Variants in RBFOX1 observed in about 807,000 individuals in gnomAD.
RBFOX1 encodes RNA binding fox-1 homolog 1.
RBFOX1 carries 8 observed loss-of-function variants against 57.7 expected under a neutral mutation model. That is an observed-to-expected ratio of 0.14 (90% CI 0.08 to 0.25). The LOEUF (loss-of-function observed/expected upper bound fraction) is 0.25. Among genes scored for constraint, RBFOX1 ranks in the 10% least tolerant of loss-of-function variants. The probability of loss-of-function intolerance (pLI) is 1.00; values close to 1 mark genes in which losing one functional copy is unlikely to be tolerated. For missense variants in RBFOX1, 611 were observed against 548.5 expected, an observed-to-expected ratio of 1.11 and a Z score of -1.14; for synonymous variants, 326 against 222.4, an observed-to-expected ratio of 1.47 and a Z score of -4.15.
At chr16:6,584,553 G>C (rs1460639324) in intron 2 of RBFOX1, among the ~76,000 whole-genome samples, 5 of 151,836 alleles carry the variant, frequency 3.3e-5, no homozygotes, top group Non-Finnish European at 7.4e-5. Flanking sequence ...AATATTAGCA[G>C]AGATAGGGTT....
chr16:6,003,781 C>G (rs1251101738), intron 4 of RBFOX1, among the ~76,000 whole-genome samples: 1 of 152,188 alleles, frequency 6.6e-6, no homozygotes, highest in Non-Finnish European at 1.5e-5. Context: ...TCAAATGCCT[C>G]AGGAACCACA....
At chr16:6,351,889 T>C (rs1030536595) in intron 2 of RBFOX1, among the ~76,000 whole-genome samples, 1 of 152,200 alleles carries the variant, frequency 6.6e-6, no homozygotes, top group East Asian at 1.9e-4. Context: ...CTACAAGATA[T>C]GCATTATTTT....
chr16:6,654,790 C>T (rs186480205), intron 3 of RBFOX1, 140 bp downstream of exon 3: 8 of 573,898 alleles, frequency 1.4e-5, no homozygotes, highest in Non-Finnish European at 2.3e-5. Context: ...GACAATCAGA[C>T]TTAAAAATGC....
rs181782755 is a variant in RBFOX1 at position 5,405,436 on chromosome 16, T to C, written c.220-61780T>C. On this transcript the variant is annotated intron_variant, in intron 1 of 2. Coordinates refer to the RBFOX1 transcript ENST00000585867. ...CTCTTTTGCCTATTGCCATGTAAGA[T>C]GTGCCTTTTGCCTTCTGCCATGATT... 2.2e-3 allele frequency among the ~76,000 whole-genome samples: 329 copies of C among 152,338 alleles called. 2 individuals are homozygous for C. The highest frequency in any genetic ancestry group is 5.0e-3 in the Admixed American group (76 of 15,300).
chr16:6,798,527 C>A (rs975870400), intron 3 of RBFOX1, among the ~76,000 whole-genome samples: 1 of 152,042 alleles, frequency 6.6e-6, no homozygotes, highest in African/African-American at 2.4e-5. Flanking sequence ...AAATAGGAAG[C>A]CCAGATAACA....
intron 3 of RBFOX1, among the ~76,000 whole-genome samples, chr16:6,656,226 T>C (rs981679034): frequency 1.3e-5 from 2 of 152,174 alleles, no homozygotes; most frequent in Non-Finnish European, 2.9e-5. Context: ...AGAAAGCATG[T>C]TCCCCAACCT....
At chr16:5,611,120 T>G (rs1596448482) in intron 3 of RBFOX1, 2 of 152,346 alleles carry the variant, frequency 1.3e-5, no homozygotes, top group African/African-American at 4.8e-5. Flanking sequence ...GACCCACATG[T>G]GCTCTGTTGG....
At chr16:6,214,180 C>G (rs2097316170) in intron 1 of RBFOX1, among the ~76,000 whole-genome samples, 1 of 152,242 alleles carries the variant, frequency 6.6e-6, no homozygotes, top group Non-Finnish European at 1.5e-5. Flanking sequence ...CTCCTTCTCT[C>G]CCACTGTCTC....
chr16:7,705,893 C>T (rs537771513), intron 14 of RBFOX1, among the ~76,000 whole-genome samples: 18 of 152,262 alleles, frequency 1.2e-4, no homozygotes, highest in Admixed American at 7.8e-4. Flanking sequence ...GAAGTGGGCA[C>T]ATGGAGATCA....
intron 3 of RBFOX1, among the ~76,000 whole-genome samples, chr16:5,842,774 G>C (rs1355919577): frequency 6.6e-6 from 1 of 151,936 alleles, no homozygotes; most frequent in Non-Finnish European, 1.5e-5. Context: ...CAGCTACTGT[G>C]TACCAATCGC....
intron 2 of RBFOX1, among the ~76,000 whole-genome samples, chr16:6,578,598 C>CGTGTGTGTGTGTGTGTGT (rs57470848): frequency 0.073 from 8,032 of 110,666 alleles, 603 homozygotes; most frequent in African/African-American, 0.19. Context: ...GGTGTGTGTG[C>CGTGTGTGTGTGTGTGTGT]GTGTGTGTGT....
At chr16:7,146,685 A>C (rs572142363) in intron 4 of RBFOX1, among the ~76,000 whole-genome samples, 1 of 152,180 alleles carries the variant, frequency 6.6e-6, no homozygotes, top group Non-Finnish European at 1.5e-5. Context: ...GCAGTGGCTC[A>C]TGCCTGCAAT....
chr16:6,446,584 A>G (rs4786870), intron 2 of RBFOX1, among the ~76,000 whole-genome samples: 84,512 of 151,902 alleles, frequency 0.56, 23,788 homozygotes, highest in East Asian at 0.68. Context: ...AGTGCTGGCT[A>G]GGAATTATGG....
intron 3 of RBFOX1, among the ~76,000 whole-genome samples, chr16:5,749,141 G>A (rs971286554): frequency 8.5e-5 from 13 of 152,080 alleles, no homozygotes; most frequent in African/African-American, 3.1e-4. Context: ...GCTTAGTTTT[G>A]CTGGATATGA....
intron 1 of RBFOX1, among the ~76,000 whole-genome samples, chr16:6,196,728 A>G (rs1469506061): frequency 6.6e-6 from 1 of 151,336 alleles, no homozygotes; most frequent in African/African-American, 2.4e-5. Flanking sequence ...CAGGCAATTT[A>G]TCCTTAATAC....
At chr16:7,416,613 T>C (rs1399717059) in intron 4 of RBFOX1, among the ~76,000 whole-genome samples, 3 of 152,156 alleles carry the variant, frequency 2.0e-5, no homozygotes, top group Non-Finnish European at 4.4e-5. Flanking sequence ...ATAGTGCATA[T>C]AGAAAAGCAC....
At chr16:7,281,642 C>G (rs1342328441) in intron 4 of RBFOX1, among the ~76,000 whole-genome samples, 2 of 151,938 alleles carry the variant, frequency 1.3e-5, no homozygotes, top group Non-Finnish European at 2.9e-5. Flanking sequence ...GGGTTCTAGT[C>G]TAGATGAGAA....
At chr16:6,871,489 A>C (rs145749067) in intron 3 of RBFOX1, among the ~76,000 whole-genome samples, 22 of 152,080 alleles carry the variant, frequency 1.4e-4, no homozygotes, top group African/African-American at 4.8e-4. Context: ...CCCGGCCTCA[A>C]AATCACTCTT....
At chr16:5,808,318 G>A (rs891909055) in intron 3 of RBFOX1, among the ~76,000 whole-genome samples, 12 of 152,196 alleles carry the variant, frequency 7.9e-5, no homozygotes, top group African/African-American at 2.9e-4. Context: ...TTTGGTTACT[G>A]TACCCTTGTA....
Sources: allele counts gnomAD v4.1 joint callset (sites outside exome capture counted in the v4.1 genomes callset), GRCh38; gene constraint gnomAD v4.1.1; transcripts MANE v1.5; gene names NCBI Gene and HGNC (gene_info 2026-07-23, HGNC 2026-07-21).